The following EPHA6 variants were observed in gnomAD, a reference collection of about 807,000 sequenced individuals.
EPHA6 encodes the protein ephrin type-A receptor 6.
EPHA6 carries 50 observed loss-of-function variants against 112.0 expected under a neutral mutation model. The ratio of observed to expected loss-of-function variants is 0.45; its 90% CI spans 0.36 to 0.56. The LOEUF (loss-of-function observed/expected upper bound fraction) is 0.56, where lower values mean the gene tolerates loss of function less well. Ranked by LOEUF, EPHA6 falls within the 20% of genes least tolerant of loss-of-function variation. The pLI, the probability that EPHA6 is intolerant of heterozygous loss-of-function variation, is 0.00. For missense variants in EPHA6, 1,280 were observed against 1,417.4 expected (o/e 0.90, Z 1.56); for synonymous variants, 529 against 490.7 (o/e 1.08, Z -1.03).
At chr3:97,406,317 C>T (rs998137341) in intron 6 of EPHA6, among the ~76,000 whole-genome samples, 2 of 152,062 alleles carry the variant, frequency 1.3e-5, no homozygotes, top group African/African-American at 4.8e-5. Flanking sequence ...AGTCTGAGAT[C>T]GAGGACCCAG....
At chr3:97,465,175 T>C (rs2091012665) in intron 7 of EPHA6, among the ~76,000 whole-genome samples, 1 of 152,114 alleles carries the variant, frequency 6.6e-6, no homozygotes, top group Non-Finnish European at 1.5e-5. Flanking sequence ...ATTTCAGTTT[T>C]AGAAAGATAT....
At chr3:97,490,727 C>G (rs2091818246) in intron 10 of EPHA6, among the ~76,000 whole-genome samples, 1 of 152,152 alleles carries the variant, frequency 6.6e-6, no homozygotes, top group Non-Finnish European at 1.5e-5. Context: ...TCTCTTGCTG[C>G]ACAACAAATT....
chr3:97,620,461 AT>A (rs754944510), intron 13 of EPHA6, among the ~76,000 whole-genome samples: 1 of 152,124 alleles, frequency 6.6e-6, no homozygotes, highest in Admixed American at 6.6e-5. Flanking sequence ...AAAAGAAACT[AT>A]TATCAGAGTA....
At chr3:97,602,293 G>A (rs2093649487) in intron 12 of EPHA6, among the ~76,000 whole-genome samples, 1 of 151,964 alleles carries the variant, frequency 6.6e-6, no homozygotes, top group Non-Finnish European at 1.5e-5. Context: ...AGTGTCCTTA[G>A]TACATATTTC....
At chr3:97,570,470 G>A (rs946507409) in intron 11 of EPHA6, among the ~76,000 whole-genome samples, 5 of 152,162 alleles carry the variant, frequency 3.3e-5, no homozygotes, top group South Asian at 2.1e-4. Context: ...GGTGGCTCAC[G>A]CCTGTAATCC....
intron 11 of EPHA6, among the ~76,000 whole-genome samples, chr3:97,570,509 A>G (rs1251921451): frequency 1.3e-5 from 2 of 152,184 alleles, no homozygotes; most frequent in Non-Finnish European, 2.9e-5. Flanking sequence ...AGGCAGGTGG[A>G]TCACGAGGTC....
chr3:97,701,238 G>A (rs1473762884), intron 14 of EPHA6, among the ~76,000 whole-genome samples: 5 of 152,142 alleles, frequency 3.3e-5, no homozygotes, highest in African/African-American at 9.7e-5. Context: ...AACCAAGCAG[G>A]AGCTAATAGA....
chr3:97,668,882 A>AGCC (rs2030449225), intron 14 of EPHA6, among the ~76,000 whole-genome samples: 3 of 120,418 alleles, frequency 2.5e-5, no homozygotes, highest in Admixed American at 1.1e-4. Context: ...ACTGCACTCC[A>AGCC]GCCTGTGTGA....
intron 5 of EPHA6, among the ~76,000 whole-genome samples, chr3:97,361,278 A>T (rs1321041394): frequency 6.6e-6 from 1 of 152,196 alleles, no homozygotes; most frequent in Non-Finnish European, 1.5e-5. Context: ...CTCTAATAGC[A>T]TCCCCAAAGT....
chr3:97,558,710 C>A (rs1357173453), intron 11 of EPHA6, among the ~76,000 whole-genome samples: 1 of 151,904 alleles, frequency 6.6e-6, no homozygotes, highest in Admixed American at 6.6e-5. Context: ...TTTTAGGAAG[C>A]AGTACAAGGT....
chr3:97,176,212 A>G (rs1261650423), intron 3 of EPHA6, among the ~76,000 whole-genome samples: 1 of 151,766 alleles, frequency 6.6e-6, no homozygotes, highest in Non-Finnish European at 1.5e-5. Context: ...ATTTATTTGC[A>G]TATATTGAAC....
intron 3 of EPHA6, among the ~76,000 whole-genome samples, chr3:97,114,719 G>A (rs2047829932): frequency 6.6e-6 from 1 of 151,968 alleles, no homozygotes; most frequent in South Asian, 2.1e-4. Flanking sequence ...TTTGCTGTGA[G>A]TCCACTAATT....
At chr3:97,498,377 A>G (rs1231347667) in intron 10 of EPHA6, among the ~76,000 whole-genome samples, 1 of 151,832 alleles carries the variant, frequency 6.6e-6, no homozygotes, top group African/African-American at 2.4e-5. Context: ...GCAGGCAGGA[A>G]TGTCTTGCTT....
chr3:97,068,502 C>G (rs1351985355), intron 3 of EPHA6, among the ~76,000 whole-genome samples: 1 of 152,078 alleles, frequency 6.6e-6, no homozygotes, highest in African/African-American at 2.4e-5. Flanking sequence ...AATAAATTGC[C>G]TTTGTCCAGA....
intron 6 of EPHA6, among the ~76,000 whole-genome samples, chr3:97,436,347 AC>A (rs1446245447): frequency 5.9e-5 from 9 of 152,174 alleles, no homozygotes; most frequent in African/African-American, 2.2e-4. Context: ...TAGTTTTTGA[AC>A]AAAACAAATA....
chr3:96,985,431 G>T (rs2856465), intron 2 of EPHA6, among the ~76,000 whole-genome samples: 1,814 of 151,880 alleles, frequency 0.012, 23 homozygotes, highest in Non-Finnish European at 0.019. Context: ...CTATTATCTT[G>T]GTTCACAGTT....
intron 10 of EPHA6, among the ~76,000 whole-genome samples, chr3:97,512,086 G>A (rs1482388204): frequency 6.6e-6 from 1 of 152,062 alleles, no homozygotes; most frequent in African/African-American, 2.4e-5. Flanking sequence ...AACAAACTGA[G>A]ATTTTACCTA....
rs866993736 is a variant in EPHA6 at position 97,727,953 on chromosome 3, A to T, written c.2934+7543A>T. 2.5e-4 allele frequency among the ~76,000 whole-genome samples: 38 copies of T among 151,972 alleles called. 1 individual carries two copies. Among genetic ancestry groups the T allele is most frequent in the Admixed American group, 6.6e-4 (10 of 15,232 alleles). Reference sequence around the variant, plus strand: ...ACCACAGTATAACTTTTAAGGGAAAATTTTTTTAACTGAATGACCACAAAA... The same window carrying T: ...ACCACAGTATAACTTTTAAGGGAAATTTTTTTTAACTGAATGACCACAAAA... On this transcript the variant is annotated intron_variant, in intron 15 of 17. Transcript: ENST00000389672.
chr3:97,188,653 TAAAG>T lies in EPHA6; in HGVS notation c.1115-37608_1115-37605del, dbSNP rs201986376. ...TCATATGTTTGAAATATTTCTTAAATAAAGAATAAGTTATATAAGTAATGGTAAA... is the reference window on the plus strand; with the variant it reads ...TCATATGTTTGAAATATTTCTTAAATAATAAGTTATATAAGTAATGGTAAA... On this transcript the variant is annotated intron_variant, in intron 3 of 17. Coordinates refer to ENST00000389672, the MANE Select transcript of EPHA6 (RefSeq NM_001080448.3). Among the ~76,000 whole-genome samples the T allele has an allele frequency of 2.8e-3, 414 of 147,436 alleles. 2 individuals are homozygous for T. The highest frequency in any genetic ancestry group is 0.011 in the African/African-American group (393 of 37,348).
Sources: gnomAD v4.1 joint callset for allele counts (sites outside exome capture counted in the v4.1 genomes callset) on GRCh38, gnomAD v4.1.1 for gene constraint, MANE v1.5 for transcripts, NCBI Gene and HGNC (gene_info 2026-07-23, HGNC 2026-07-21) for gene names.